BACH2: variants seen among roughly 807,000 people sequenced by gnomAD.
BACH2 encodes BACH transcriptional regulator 2.
BACH2 carries 5 observed loss-of-function variants against 61.8 expected under a neutral mutation model. The observed-to-expected ratio is 0.08, with a 90% CI of 0.04 to 0.17. BACH2 has a LOEUF of 0.17. Ranked by LOEUF, BACH2 falls within the 10% of genes least tolerant of loss-of-function variation. The pLI, the probability that BACH2 is intolerant of heterozygous loss-of-function variation, is 1.00. For synonymous variants in BACH2, 446 were observed against 440.1 expected, an observed-to-expected ratio of 1.01 and a Z score of -0.17; for missense variants, 824 against 1,091.1, an observed-to-expected ratio of 0.76 and a Z score of 3.45.
chr6:90,141,841 GA>G (rs1177482258), intron 4 of BACH2, among the ~76,000 whole-genome samples: 4 of 152,178 alleles, frequency 2.6e-5, no homozygotes, highest in Non-Finnish European at 5.9e-5. Flanking sequence ...AGCACTTTGG[GA>G]GGCCAAGGAG....
intron 7 of BACH2, among the ~76,000 whole-genome samples, chr6:89,945,933 AT>A (rs58962925): frequency 1.3e-5 from 2 of 151,214 alleles, no homozygotes; most frequent in African/African-American, 4.9e-5. Context: ...TGACTTGTTC[AT>A]TTTTTTTTAC....
intron 3 of BACH2, among the ~76,000 whole-genome samples, chr6:90,237,553 C>T (rs1331210893): frequency 6.6e-6 from 1 of 152,206 alleles, no homozygotes; most frequent in Admixed American, 6.5e-5. Flanking sequence ...ACTAGAATAT[C>T]TGACCACATC....
At chr6:90,272,767 G>A (rs1031819137) in intron 1 of BACH2, among the ~76,000 whole-genome samples, 3 of 152,080 alleles carry the variant, frequency 2.0e-5, no homozygotes, top group African/African-American at 7.2e-5. Flanking sequence ...ACACTGACCA[G>A]ATCCTGCTTA....
chr6:90,024,155 A>G (rs1288416798), intron 5 of BACH2, among the ~76,000 whole-genome samples: 1 of 147,492 alleles, frequency 6.8e-6, no homozygotes, highest in Non-Finnish European at 1.5e-5. Flanking sequence ...ATATATATAT[A>G]TCCCAGCTCC....
chr6:90,105,855 T>C (rs887253569), intron 4 of BACH2, among the ~76,000 whole-genome samples: 3 of 152,218 alleles, frequency 2.0e-5, no homozygotes, highest in African/African-American at 7.2e-5. Flanking sequence ...TTTTAAAATT[T>C]GGGGTTCTAA....
At chr6:90,266,715 C>T (rs924285886) in intron 2 of BACH2, among the ~76,000 whole-genome samples, 8 of 151,964 alleles carry the variant, frequency 5.3e-5, no homozygotes, top group South Asian at 4.2e-4. Context: ...AAACCATAGA[C>T]GCAGGAAGCA....
intron 5 of BACH2, among the ~76,000 whole-genome samples, chr6:90,067,809 T>A (rs1781035818): frequency 6.6e-6 from 1 of 152,150 alleles, no homozygotes; most frequent in South Asian, 2.1e-4. Flanking sequence ...AACACACACG[T>A]TCTTTCTAAA....
chr6:90,008,509 A>G lies in BACH2; in HGVS notation c.243+93T>C, dbSNP rs1196099641. ...TGGACATCAACTCCTGAGTGGGGAC[A>G]TGGCACCTAGTACATCTTCTAGCTC... is the stretch of plus-strand genomic sequence containing the variant. On this transcript the variant is annotated intron_variant, in intron 6 of 8. Coordinates refer to ENST00000257749, the MANE Select transcript of BACH2 (RefSeq NM_021813.4). The surrounding 1 kb of genome is among the most constrained non-coding windows in gnomAD (Gnocchi z 4.1). 1.3e-6 allele frequency: 2 copies of G among 1,512,788 alleles called. No homozygotes were observed. Among genetic ancestry groups the G allele is most frequent in the Non-Finnish European group, 1.8e-6 (2 of 1,109,994 alleles). 93.7% of individuals were successfully genotyped at this position (1,512,788 alleles called of 1,614,324 possible).
At chr6:90,112,276 G>A (rs1302558987) in intron 4 of BACH2, among the ~76,000 whole-genome samples, 1 of 152,046 alleles carries the variant, frequency 6.6e-6, no homozygotes, top group African/African-American at 2.4e-5. Context: ...TACACAAAAA[G>A]ATCATCCCCA....
At chr6:90,188,337 T>C (rs572110066) in intron 4 of BACH2, among the ~76,000 whole-genome samples, 2 of 152,324 alleles carry the variant, frequency 1.3e-5, no homozygotes, top group East Asian at 3.9e-4. Context: ...GGTTAACTTA[T>C]GGGAATTTTA....
At chr6:90,043,194 T>A (rs1388111420) in intron 5 of BACH2, among the ~76,000 whole-genome samples, 1 of 152,204 alleles carries the variant, frequency 6.6e-6, no homozygotes, top group Admixed American at 6.5e-5. Context: ...CTATCCAAGC[T>A]CACTGTTATG....
At chr6:90,146,072 C>T (rs969680409) in intron 4 of BACH2, among the ~76,000 whole-genome samples, 1 of 152,178 alleles carries the variant, frequency 6.6e-6, no homozygotes, top group Non-Finnish European at 1.5e-5. Flanking sequence ...TGCATGTGCA[C>T]AGAAAGAGAA....
At chr6:90,048,999 G>C (rs759306266) in intron 5 of BACH2, among the ~76,000 whole-genome samples, 3 of 152,228 alleles carry the variant, frequency 2.0e-5, no homozygotes, top group Non-Finnish European at 2.9e-5. Context: ...GCAAAATGGG[G>C]AACTCAAAAG....
At chr6:89,984,902 G>GA (rs1776154817) in intron 6 of BACH2, among the ~76,000 whole-genome samples, 2 of 152,012 alleles carry the variant, frequency 1.3e-5, no homozygotes, top group Non-Finnish European at 2.9e-5. Flanking sequence ...CAATTATTTT[G>GA]AAAAAAATTC....
intron 1 of BACH2, among the ~76,000 whole-genome samples, chr6:90,277,523 C>T (rs960833124): frequency 3.9e-5 from 6 of 152,146 alleles, no homozygotes; most frequent in South Asian, 4.1e-4. Context: ...ATTTCTAGGG[C>T]GCTGATAATG....
intron 5 of BACH2, among the ~76,000 whole-genome samples, chr6:90,074,814 G>A (rs1781397950): frequency 6.6e-6 from 1 of 152,102 alleles, no homozygotes; most frequent in South Asian, 2.1e-4. Context: ...AATAGCTTCT[G>A]AATGAGTACT....
At chr6:90,099,780 T>C (rs545133148) in intron 4 of BACH2, among the ~76,000 whole-genome samples, 1 of 152,222 alleles carries the variant, frequency 6.6e-6, no homozygotes, top group Non-Finnish European at 1.5e-5. Flanking sequence ...TATTGAGATA[T>C]AATCAGCATA....
At chr6:89,934,940 G>A (rs1448402190) in intron 8 of BACH2, among the ~76,000 whole-genome samples, 5 of 152,098 alleles carry the variant, frequency 3.3e-5, no homozygotes, top group East Asian at 1.9e-4. Flanking sequence ...CATGTGTGTC[G>A]GAAAGAGAGA....
chr6:90,173,797 C>G (rs573334062), intron 4 of BACH2, among the ~76,000 whole-genome samples: 3 of 152,244 alleles, frequency 2.0e-5, no homozygotes, highest in South Asian at 2.1e-4. Context: ...AAACTGTACA[C>G]TTAAAATATG....
Sources: allele counts gnomAD v4.1 joint callset (sites outside exome capture counted in the v4.1 genomes callset), GRCh38; gene constraint gnomAD v4.1.1; non-coding constraint Gnocchi (gnomAD v3.1); transcripts MANE v1.5; gene names NCBI Gene and HGNC (gene_info 2026-07-23, HGNC 2026-07-21).